Variants in FGF13 observed in about 807,000 individuals in gnomAD.
The protein encoded by FGF13 is fibroblast growth factor homologous factor 2.
A neutral mutation model predicts 19.5 loss-of-function variants in FGF13; 2 were observed. That is an observed-to-expected ratio of 0.10 (90% CI 0.04 to 0.32). The LOEUF is 0.32. Ranked by LOEUF, FGF13 falls within the 10% of genes least tolerant of loss-of-function variation. The pLI is 1.00. For synonymous variants in FGF13, 72 were observed against 76.9 expected, an observed-to-expected ratio of 0.94 and a Z score of 0.33; for missense variants, 113 against 192.7, an observed-to-expected ratio of 0.59 and a Z score of 2.45.
At chrX:138,982,248 T>G (rs768348089) in intron 1 of FGF13, among the ~76,000 whole-genome samples, 51 of 111,566 alleles carry the variant, frequency 4.6e-4, no homozygotes, top group Non-Finnish European at 7.9e-4. Flanking sequence ...AGGGACGTAG[T>G]TGTGCTTGGA....
At chrX:138,815,145 T>C (rs2124047959) in intron 3 of FGF13, among the ~76,000 whole-genome samples, 1 of 110,620 alleles carries the variant, frequency 9.0e-6, no homozygotes, top group South Asian at 3.9e-4. Flanking sequence ...AATGTCAAAC[T>C]CATAGAAGCA....
chrX:139,198,254 TTGAC>T (rs760725362), intron 1 of FGF13, among the ~76,000 whole-genome samples: 221 of 111,926 alleles, frequency 2.0e-3, no homozygotes, highest in African/African-American at 6.8e-3. Context: ...AATTTGGCCT[TTGAC>T]TGGCCTGCCT....
At chrX:138,967,150 A>C (rs2091898404) in intron 1 of FGF13, among the ~76,000 whole-genome samples, 1 of 107,471 alleles carries the variant, frequency 9.3e-6, no homozygotes, top group African/African-American at 3.4e-5. Flanking sequence ...CTGCCCCCCA[A>C]AATTGTTAAA....
In FGF13 at chrX:139,007,093, T is replaced by C. The variant is rs1261369320; in HGVS notation, c.-112-142443A>G. 3.6e-5 allele frequency among the ~76,000 whole-genome samples: 4 copies of C among 111,380 alleles called. No homozygotes were observed. In the East Asian group the frequency reaches 1.1e-3, roughly 31 times the overall value. On this transcript the variant is annotated intron_variant, in intron 1 of 2. Transcript: ENST00000421460. ...AAAACAGAAAAAAAGATCTTTTGCT[T>C]ACAAGAAACATATTTAACCTATAGA...
At chrX:139,090,845 G>A (rs1432661156) in intron 1 of FGF13, among the ~76,000 whole-genome samples, 1 of 107,332 alleles carries the variant, frequency 9.3e-6, no homozygotes, top group Non-Finnish European at 1.9e-5. Context: ...GGGGAAGTGA[G>A]GCAGCAGGAT....
chrX:138,846,195 G>GTA (rs974617168), intron 3 of FGF13, among the ~76,000 whole-genome samples: 6 of 108,573 alleles, frequency 5.5e-5, no homozygotes, highest in African/African-American at 2.0e-4. Context: ...TTGTGTGTGT[G>GTA]TGTGTGTGTG....
chrX:139,123,975 G>A (rs1287446075), intron 1 of FGF13, among the ~76,000 whole-genome samples: 1 of 112,123 alleles, frequency 8.9e-6, no homozygotes, highest in Non-Finnish European at 1.9e-5. Context: ...CTATATACGA[G>A]TAGGGAGTTT....
chrX:139,080,803 C>T (rs1255777098), intron 1 of FGF13, among the ~76,000 whole-genome samples: 3 of 111,144 alleles, frequency 2.7e-5, no homozygotes, highest in Non-Finnish European at 3.8e-5. Flanking sequence ...GAAATAGAAG[C>T]AATTAGAAAA....
chrX:138,943,665 G>GAAT (rs1465912873), intron 1 of FGF13, among the ~76,000 whole-genome samples: 1 of 111,906 alleles, frequency 8.9e-6, no homozygotes, highest in African/African-American at 3.3e-5. Flanking sequence ...GAAGGACTGA[G>GAAT]AATGAACTAT....
chrX:139,037,852 T>G (rs769743209), intron 1 of FGF13, among the ~76,000 whole-genome samples: 1 of 112,172 alleles, frequency 8.9e-6, no homozygotes, highest in Non-Finnish European at 1.9e-5. Context: ...AAGGCATTAT[T>G]CAGCCTAGCA....
chrX:138,920,663 G>A (rs1200580091), intron 1 of FGF13, among the ~76,000 whole-genome samples: 1 of 111,520 alleles, frequency 9.0e-6, no homozygotes, highest in Non-Finnish European at 1.9e-5. Flanking sequence ...GATAACTGAT[G>A]TGCTATCAAC....
chrX:139,190,359 A>ATTGG (rs1406583701), intron 1 of FGF13, among the ~76,000 whole-genome samples: 1 of 109,294 alleles, frequency 9.1e-6, no homozygotes, highest in African/African-American at 3.4e-5. Context: ...AACCATAATA[A>ATTGG]TTGGTTGCTT....
At position 138,655,236 on chromosome X, in the gene FGF13, G is replaced by A. The variant is rs1262744118; in HGVS notation, c.403-19581C>T. The stretch of plus-strand genomic sequence containing the variant: ...GGAGTGGCCGTATCATAGAAAGAAG[G>A]AAACCCTGAGTATCCACTGGCTTTT... On this transcript the variant is annotated intron_variant, in intron 3 of 4. Transcript: ENST00000315930. 8.1e-5 allele frequency among the ~76,000 whole-genome samples: 9 copies of A among 111,700 alleles called. No homozygotes were observed. The Admixed American group carries it at 8.6e-4, about 11-fold the overall frequency.
chrX:138,762,013 C>T (rs1178727360), intron 3 of FGF13, among the ~76,000 whole-genome samples: 1 of 107,681 alleles, frequency 9.3e-6, no homozygotes, highest in Non-Finnish European at 1.9e-5. Flanking sequence ...CTCTGCAGTC[C>T]AGTATAGTGG....
intron 3 of FGF13, among the ~76,000 whole-genome samples, chrX:138,745,482 C>A (rs1602777337): frequency 8.9e-6 from 1 of 112,010 alleles, no homozygotes; most frequent in African/African-American, 3.2e-5. Flanking sequence ...CTAATCCTCC[C>A]AACAACAAGG....
At chrX:138,803,031 C>G (rs551856799) in intron 3 of FGF13, among the ~76,000 whole-genome samples, 1 of 111,971 alleles carries the variant, frequency 8.9e-6, no homozygotes, top group South Asian at 3.8e-4. Flanking sequence ...TTCACTCTCT[C>G]TGAGCCACAC....
At chrX:138,972,074 GTGTGTA>G (rs201806005) in intron 1 of FGF13, among the ~76,000 whole-genome samples, 2 of 109,578 alleles carry the variant, frequency 1.8e-5, no homozygotes, top group Non-Finnish European at 3.8e-5. Flanking sequence ...GTGTGTGTGT[GTGTGTA>G]TATCACATTT....
intron 1 of FGF13, among the ~76,000 whole-genome samples, chrX:138,717,383 A>C (rs371231069): frequency 1.8e-5 from 2 of 111,972 alleles, no homozygotes; most frequent in East Asian, 2.8e-4. Flanking sequence ...TTTCTTCTAT[A>C]AAACCTTTTA....
intron 3 of FGF13, among the ~76,000 whole-genome samples, chrX:138,783,751 G>T (rs1046879726): frequency 1.9e-5 from 2 of 107,871 alleles, no homozygotes; most frequent in Admixed American, 2.0e-4. Context: ...GTGGAAGTCA[G>T]TGTGGCGATT....
Sources: gnomAD v4.1 joint callset for allele counts (sites outside exome capture counted in the v4.1 genomes callset) on GRCh38, gnomAD v4.1.1 for gene constraint, MANE v1.5 for transcripts, NCBI Gene and HGNC (gene_info 2026-07-23, HGNC 2026-07-21) for gene names.